TPPP: variants seen among roughly 807,000 people sequenced by gnomAD.
The protein encoded by TPPP is tubulin polymerization-promoting protein.
Under a neutral mutation model 15.5 loss-of-function variants are expected in TPPP, and 6 were observed. The observed-to-expected ratio is 0.39, with a 90% CI of 0.21 to 0.77. The LOEUF (loss-of-function observed/expected upper bound fraction) is 0.77. TPPP is among the 30% of genes least tolerant of loss of function. The pLI is 0.42. For missense variants in TPPP, 269 were observed against 307.2 expected (o/e 0.88, Z 0.93); for synonymous variants, 146 against 133.9 (o/e 1.09, Z -0.63).
Position 672,311 on chromosome 5 carries a change from C to T in TPPP, c.311+5439G>A, listed in dbSNP as rs552224237. The stretch of plus-strand genomic sequence containing the variant: ...CTCAGTCTCCCACTGGCCCTGGCTT[C>T]CTTCTAACCAGCGTCCAGGTATCAG... On this transcript the variant is annotated intron_variant, in intron 2 of 3. Coordinates refer to ENST00000360578, the MANE Select transcript of TPPP (RefSeq NM_007030.3). Among the ~76,000 whole-genome samples, 12 of 152,322 alleles carry T rather than the reference C, an allele frequency of 7.9e-5. No individual in the cohort carries two copies. The East Asian group carries it at 2.3e-3, about 29-fold the overall frequency.
chr5:676,897 GCGCACGCGCGCATACACGACGCAGAAA>G (rs947364876), intron 2 of TPPP, among the ~76,000 whole-genome samples: 19 of 94,496 alleles, frequency 2.0e-4, no homozygotes, highest in Admixed American at 4.5e-4. Flanking sequence ...ACGCAGAAAC[GCGCACGCGCGCATACACGACGCAGAAA>G]CGCACGCGCG....
At chr5:699,231 C>G in the TPPP span, among the ~76,000 whole-genome samples, 1 of 152,178 alleles carries the variant, frequency 6.6e-6, no homozygotes, top group Non-Finnish European at 1.5e-5. Context: ...TACCTGACTT[C>G]AAATTATACT....
chr5:665,221 C>G lies in TPPP; in HGVS notation c.541G>C (p.Asp181His), dbSNP rs766686208. The G allele has an allele frequency of 4.3e-6, 7 of 1,613,714 alleles. No homozygotes were observed. The East Asian group carries it at 1.6e-4, about 36-fold the overall frequency. The part of the protein sequence containing the change: ...KFTGSHKERF[D>H]PSGKGKGKAG... ...TTGCCCTTGCCCTTGCCAGAGGGGT[C>G]GAAGCGCTCCTTGTGGGAGCCCGTG... is the stretch of plus-strand genomic sequence containing the variant. The change falls in exon 4 of 4, where the codon GAC becomes CAC. Residue 181 changes from aspartate (D) to histidine (H), a missense_variant. Transcript: ENST00000360578.
At chr5:686,446 G>A (rs1387071285) in intron 1 of TPPP, among the ~76,000 whole-genome samples, 4 of 151,796 alleles carry the variant, frequency 2.6e-5, no homozygotes, top group South Asian at 2.1e-4. Flanking sequence ...CTCATCCAGC[G>A]CAGCTTCACT....
In TPPP at chr5:661,507, G is replaced by A. The variant is rs1739606879; in HGVS notation, c.*3595C>T. On this transcript the variant is annotated 3_prime_UTR_variant, in exon 4 of 4. Coordinates refer to ENST00000360578, the MANE Select transcript of TPPP (RefSeq NM_007030.3). ...TCCTGGTTTGCAGGTTGTGCAGTTT[G>A]TTATTCACAAATACACATTTATTTT... 1 of 152,400 alleles carries A rather than the reference G, an allele frequency of 6.6e-6. No homozygotes were observed. Among genetic ancestry groups the A allele is most frequent in the Non-Finnish European group, 1.5e-5 (1 of 68,064 alleles). The allele number at this position is 152,400 out of a possible 1,614,324, so 9.4% of individuals were successfully genotyped here. A position where few individuals can be genotyped will look rare whatever the true frequency, so the allele number is the denominator to read the frequency against.
At chr5:665,393 G>A (rs1739854454) in intron 3 of TPPP, 97 bp from the exon 4 acceptor site, 1 of 1,136,776 alleles carries the variant, frequency 8.8e-7, no homozygotes, top group Non-Finnish European at 1.3e-6. Flanking sequence ...CCCAGCGGTG[G>A]GGCACTGGGC....
At chr5:665,780 GC>G (rs1739875535) in intron 3 of TPPP, among the ~76,000 whole-genome samples, 189 bp downstream of exon 3, 1 of 140,412 alleles carries the variant, frequency 7.1e-6, no homozygotes, top group Non-Finnish European at 1.5e-5. Flanking sequence ...CCCCATTCAT[GC>G]CCCTTCTGAC....
At chr5:681,551 G>A (rs1203021556) in intron 1 of TPPP, among the ~76,000 whole-genome samples, 3 of 152,184 alleles carry the variant, frequency 2.0e-5, no homozygotes, top group Admixed American at 6.5e-5. Flanking sequence ...TAGGAGGGAC[G>A]TGCCAAGCCC....
Position 666,002 on chromosome 5 carries a change from C to G in TPPP, c.433G>C (p.Glu145Gln). 2 of 1,606,174 alleles carry G rather than the reference C, an allele frequency of 1.2e-6. No individual in the cohort carries two copies. Among genetic ancestry groups the G allele is most frequent in the South Asian group, 1.1e-5 (1 of 90,852 alleles). Residue 145 changes from glutamate to glutamine, a missense_variant, in exon 3 of 4, where the codon GAG becomes CAG. Coordinates refer to ENST00000360578, the MANE Select transcript of TPPP (RefSeq NM_007030.3). ...CCTGAGATGATGGGCGCCTTGCCCTCGATGAGCCTGTGCACCTCGCGAACG... is the reference window on the plus strand; with the variant it reads ...CCTGAGATGATGGGCGCCTTGCCCTGGATGAGCCTGTGCACCTCGCGAACG... ...EAVREVHRLIEGKAPIISGVT... is the reference protein window; with the variant it reads ...EAVREVHRLIQGKAPIISGVT...
intron 1 of TPPP, among the ~76,000 whole-genome samples, chr5:681,034 A>G (rs540491684): frequency 6.6e-6 from 1 of 152,300 alleles, no homozygotes; most frequent in African/African-American, 2.4e-5. Context: ...ATAAGAATAC[A>G]TTTAATTTTG....
chr5:697,677 C>T (rs1741039216), upstream of TPPP, among the ~76,000 whole-genome samples: 1 of 152,016 alleles, frequency 6.6e-6, no homozygotes, highest in African/African-American at 2.4e-5. Context: ...TCCCCACTGC[C>T]AGAAGTGGCT....
At chr5:666,887 G>A (rs1400810976) in intron 2 of TPPP, 1 of 152,116 alleles carries the variant, frequency 6.6e-6, no homozygotes, top group Non-Finnish European at 1.5e-5. Context: ...AACCCAAAGT[G>A]GGGTTTTTCA....
upstream of TPPP, among the ~76,000 whole-genome samples, chr5:697,581 G>C (rs567036486): frequency 1.5e-3 from 231 of 152,072 alleles, 1 homozygote; most frequent in Non-Finnish European, 6.9e-4. Flanking sequence ...GGCTTTCAGA[G>C]GCAGTGGGCA....
In TPPP at chr5:661,542, C is replaced by T. The variant is rs1398701569; in HGVS notation, c.*3560G>A. Reference sequence around the variant, plus strand: ...AATACACATTTATTTTCTGTTGAACCGTGGTTAGTAGAAGCTAATTGGCAG... The same window carrying T: ...AATACACATTTATTTTCTGTTGAACTGTGGTTAGTAGAAGCTAATTGGCAG... On this transcript the variant is annotated 3_prime_UTR_variant, in exon 4 of 4. Coordinates refer to ENST00000360578, the MANE Select transcript of TPPP (RefSeq NM_007030.3). The T allele has an allele frequency of 1.3e-5, 2 of 152,380 alleles. No homozygotes were observed. The highest frequency in any genetic ancestry group is 2.1e-4 in the South Asian group (1 of 4,838). 9.4% of individuals were successfully genotyped at this position (152,380 alleles called of 1,614,324 possible).
rs1482649452 is a variant in TPPP at position 679,391 on chromosome 5, C to T, written c.-4-1327G>A. On this transcript the variant is annotated intron_variant, in intron 1 of 3. Transcript: ENST00000360578. Reference sequence around the variant, plus strand: ...GGGCAGGATCCTGGTGGGGGCTGGGCCGCGTGGGGGCAGGATCCTGGGGGT... The same window carrying T: ...GGGCAGGATCCTGGTGGGGGCTGGGTCGCGTGGGGGCAGGATCCTGGGGGT... Among the ~76,000 whole-genome samples the T allele has an allele frequency of 7.2e-5, 10 of 139,556 alleles. 1 individual carries two copies. Among genetic ancestry groups the T allele is most frequent in the Admixed American group, 2.7e-4 (4 of 14,668 alleles). The allele number at this position is 139,556 out of a possible 152,430, so 91.6% of individuals were successfully genotyped here. A position where few individuals can be genotyped will look rare whatever the true frequency, so the allele number is the denominator to read the frequency against.
At position 666,032 on chromosome 5, in the gene TPPP, C is replaced by T. The variant is rs1190393182; in HGVS notation, c.403G>A (p.Glu135Lys). The change falls in exon 3 of 4, where the codon GAG becomes AAG. Residue 135 changes from glutamate to lysine, a missense_variant. Coordinates refer to ENST00000360578, the MANE Select transcript of TPPP (RefSeq NM_007030.3). ...AGCCTGTGCACCTCGCGAACGGCCT[C>T]CTCGCTGCTCTTGTCTTTGAATCGC... ...KKRFKDKSSE[E>K]AVREVHRLIE... 9 of 1,611,422 alleles carry T rather than the reference C, an allele frequency of 5.6e-6. No homozygotes were observed. Among genetic ancestry groups the T allele is most frequent in the Non-Finnish European group, 6.8e-6 (8 of 1,179,650 alleles).
intron 1 of TPPP, among the ~76,000 whole-genome samples, chr5:678,759 A>C (rs1740533362): frequency 6.6e-6 from 1 of 152,158 alleles, no homozygotes; most frequent in African/African-American, 2.4e-5. Context: ...GTCAGGGCGC[A>C]GGGACGCCCT....
the TPPP span, among the ~76,000 whole-genome samples, chr5:699,739 T>C: frequency 6.6e-6 from 1 of 150,956 alleles, no homozygotes; most frequent in African/African-American, 2.4e-5. Context: ...ATATCCACAA[T>C]CTACAAGGAA....
intron 1 of TPPP, among the ~76,000 whole-genome samples, chr5:685,406 C>G (rs1305414953): frequency 6.6e-6 from 1 of 152,228 alleles, no homozygotes; most frequent in African/African-American, 2.4e-5. Flanking sequence ...ATGGCGTCCT[C>G]CGGCCATCCT....
Sources: gnomAD v4.1 joint callset for allele counts (sites outside exome capture counted in the v4.1 genomes callset) on GRCh38, gnomAD v4.1.1 for gene constraint, MANE v1.5 for transcripts, NCBI Gene and HGNC (gene_info 2026-07-23, HGNC 2026-07-21) for gene names.